ZNF793: variants seen among roughly 807,000 people sequenced by gnomAD.
The protein encoded by ZNF793 is zinc finger protein 793.
Under a neutral mutation model 12.4 loss-of-function variants are expected in ZNF793, and 5 were observed. The ratio of observed to expected loss-of-function variants is 0.40; its 90% CI spans 0.21 to 0.84. The LOEUF (loss-of-function observed/expected upper bound fraction) is 0.84. ZNF793 is among the 40% of genes least tolerant of loss of function. The pLI is 0.35. For synonymous variants in ZNF793, 162 were observed against 172.4 expected, an observed-to-expected ratio of 0.94 and a Z score of 0.47; for missense variants, 456 against 495.0, an observed-to-expected ratio of 0.92 and a Z score of 0.75.
In ZNF793 at chr19:37,533,554, A is replaced by G. The variant is rs1348660800; in HGVS notation, c.238+151A>G. The G allele has an allele frequency of 3.8e-5, 24 of 628,508 alleles. 1 individual carries two copies. The South Asian group carries it at 4.4e-4, about 12-fold the overall frequency. 38.9% of individuals were successfully genotyped at this position (628,508 alleles called of 1,614,324 possible). On this transcript the variant is annotated intron_variant, in intron 7 of 7. Coordinates refer to ENST00000627814, the MANE Select transcript of ZNF793 (RefSeq NM_001013659.3). ...CAACCTCCATGCAACCCCACCGCCCATATCTGAGTGTTTTTCTCGGCTCTA... is the reference window on the plus strand; with the variant it reads ...CAACCTCCATGCAACCCCACCGCCCGTATCTGAGTGTTTTTCTCGGCTCTA...
intron 3 of ZNF793, among the ~76,000 whole-genome samples, chr19:37,521,651 C>T (rs1171202129): frequency 6.6e-6 from 1 of 151,558 alleles, no homozygotes; most frequent in Non-Finnish European, 1.5e-5. Flanking sequence ...CTATGTTGGT[C>T]AGGCTTGTCT....
At chr19:37,536,008 C>T (rs1218164092) in intron 7 of ZNF793, 1 of 154,474 alleles carries the variant, frequency 6.5e-6, no homozygotes, top group African/African-American at 2.4e-5. Context: ...ACCACTAATA[C>T]CACTGTGTTT....
rs548533465 is a variant in ZNF793, at chr19:37,525,427, C to A, written c.15+1973C>A. Among the ~76,000 whole-genome samples, 8 of 148,116 alleles carry A rather than the reference C, an allele frequency of 5.4e-5. No homozygotes were observed. In the East Asian group the frequency reaches 1.6e-3, roughly 30 times the overall value. On this transcript the variant is annotated intron_variant, in intron 5 of 7. Transcript: ENST00000627814. ...TGCTGGGATTACAGGCGTGAGCCACCGTGCCTGGCCTTTTTTTTTTTTTTT... is the reference window on the plus strand; with the variant it reads ...TGCTGGGATTACAGGCGTGAGCCACAGTGCCTGGCCTTTTTTTTTTTTTTT...
intron 5 of ZNF793, among the ~76,000 whole-genome samples, chr19:37,528,834 A>G (rs902375721): frequency 1.3e-5 from 2 of 152,088 alleles, no homozygotes; most frequent in Non-Finnish European, 2.9e-5. Context: ...CTTAAATATT[A>G]GTGTCCCTTG....
At chr19:37,523,376 C>T (rs1487644460) in intron 4 of ZNF793, 34 bp from the exon 5 acceptor site, 14 of 1,551,384 alleles carry the variant, frequency 9.0e-6, no homozygotes, top group Non-Finnish European at 1.2e-5. Flanking sequence ...TCTGTTCTCT[C>T]TTTCTCCATC....
intron 3 of ZNF793, among the ~76,000 whole-genome samples, chr19:37,522,278 A>G (rs568127643): frequency 1.1e-4 from 17 of 151,804 alleles, no homozygotes; most frequent in Non-Finnish European, 1.3e-4. Context: ...GCTCACTGCA[A>G]CCTCTGCCTC....
intron 2 of ZNF793, among the ~76,000 whole-genome samples, chr19:37,519,124 G>A (rs1419724480): frequency 4.6e-5 from 7 of 151,898 alleles, no homozygotes; most frequent in East Asian, 3.9e-4. Context: ...AAAATTAGCC[G>A]GCGTGGTGGC....
intron 5 of ZNF793, among the ~76,000 whole-genome samples, chr19:37,529,206 CAT>C (rs2042438505): frequency 6.6e-6 from 1 of 152,108 alleles, no homozygotes; most frequent in Non-Finnish European, 1.5e-5. Flanking sequence ...TATTTATGGG[CAT>C]ATGTTTTGGT....
At chr19:37,508,651 A>G (rs1039479879) in intron 2 of ZNF793, among the ~76,000 whole-genome samples, 3 of 152,214 alleles carry the variant, frequency 2.0e-5, no homozygotes, top group African/African-American at 7.2e-5. Flanking sequence ...GATTGCAGTG[A>G]AACGAGATTG....
chr19:37,515,283 G>A lies in ZNF793; in HGVS notation c.-275-4901G>A, dbSNP rs190484342. ...GGTTTAAAATGACTGTAGGAAAATG[G>A]ATTAATGACTTTTTTCTTTTTTTCT... is the stretch of plus-strand genomic sequence containing the variant. On this transcript the variant is annotated intron_variant, in intron 2 of 7. Coordinates refer to ENST00000627814, the MANE Select transcript of ZNF793 (RefSeq NM_001013659.3). Among the ~76,000 whole-genome samples the A allele has an allele frequency of 7.3e-3, 1,115 of 152,096 alleles. 11 individuals carry two copies. Among genetic ancestry groups the A allele is most frequent in the Middle Eastern group, 0.02 (6 of 294 alleles).
chr19:37,541,441 G>A lies in ZNF793; in HGVS notation c.*3562G>A, dbSNP rs2042551242. On this transcript the variant is annotated 3_prime_UTR_variant, in exon 8 of 8. Coordinates refer to ENST00000627814, the MANE Select transcript of ZNF793 (RefSeq NM_001013659.3). ...TGCCTGTAATCCCAACACTTTGGGAGGCTGAGGCAGGAGGATCACCTGAGG... is the reference window on the plus strand; with the variant it reads ...TGCCTGTAATCCCAACACTTTGGGAAGCTGAGGCAGGAGGATCACCTGAGG... 1.3e-5 allele frequency: 2 copies of A among 152,364 alleles called. No homozygotes were observed. The highest frequency in any genetic ancestry group is 2.9e-5 in the Non-Finnish European group (2 of 68,134). The allele number at this position is 152,364 out of a possible 1,614,324, so 9.4% of individuals were successfully genotyped here. A position where few individuals can be genotyped will look rare whatever the true frequency, so the allele number is the denominator to read the frequency against.
chr19:37,534,212 A>G (rs1449197985), intron 7 of ZNF793: 1 of 152,134 alleles, frequency 6.6e-6, no homozygotes, highest in African/African-American at 2.4e-5. Flanking sequence ...GCTCAAACCC[A>G]GCATTTTCCT....
Position 37,523,446 on chromosome 19 carries a change from G to A in ZNF793, c.7G>A (p.Glu3Lys), listed in dbSNP as rs199878634. 29 of 1,613,588 alleles carry A rather than the reference G, an allele frequency of 1.8e-5. No individual in the cohort carries two copies. Among genetic ancestry groups the A allele is most frequent in the Middle Eastern group, 1.6e-4 (1 of 6,062 alleles). MI[E>K]YQIPVSFKDV... ...TTTTCAAGAACAGCAGAAAATGATC[G>A]AATACCAGGTAAGTATCACATTAAG... Residue 3 changes from glutamate to lysine, a missense_variant, in exon 5 of 8, where the codon GAA (glutamate) becomes AAA (lysine). Physicochemically the swap from Glu to Lys is moderately conservative, Grantham distance 56. Transcript: ENST00000627814.
intron 5 of ZNF793, among the ~76,000 whole-genome samples, chr19:37,529,615 C>T (rs746661793): frequency 6.6e-5 from 10 of 152,192 alleles, no homozygotes; most frequent in African/African-American, 1.4e-4. Context: ...GCCTCAGCCT[C>T]CTGCGTAGCT....
intron 2 of ZNF793, among the ~76,000 whole-genome samples, chr19:37,515,139 G>C (rs1454998305): frequency 6.6e-6 from 1 of 152,040 alleles, no homozygotes; most frequent in Non-Finnish European, 1.5e-5. Flanking sequence ...AATGAAATAA[G>C]AAACAGAAGT....
chr19:37,515,593 C>T (rs1453628051), intron 2 of ZNF793, among the ~76,000 whole-genome samples: 1 of 152,188 alleles, frequency 6.6e-6, no homozygotes. Flanking sequence ...CAGGCGTGAG[C>T]CACCGCGCCC....
At chr19:37,518,102 G>C (rs774900585) in intron 2 of ZNF793, among the ~76,000 whole-genome samples, 8 of 152,070 alleles carry the variant, frequency 5.3e-5, no homozygotes, top group African/African-American at 2.4e-5. Context: ...TTCCAAGTCG[G>C]AGTACACCAC....
Position 37,532,374 on chromosome 19 carries a change from G to T in ZNF793, c.34G>T (p.Asp12Tyr). ...TCAACAGATACCTGTGTCATTCAAA[G>T]ATGTGGTTGTGGGCTTCACCCAAGA... ...IEYQIPVSFKDVVVGFTQEEW... is the reference protein window; with the variant it reads ...IEYQIPVSFKYVVVGFTQEEW... The change falls in exon 6 of 8, where the codon GAT becomes TAT. Residue 12 changes from aspartate to tyrosine, a missense_variant. Transcript: ENST00000627814. The T allele has an allele frequency of 6.2e-7, 1 of 1,614,038 alleles. No individual in the cohort carries two copies. The highest frequency in any genetic ancestry group is 8.5e-7 in the Non-Finnish European group (1 of 1,179,966).
At chr19:37,524,437 C>T (rs1296449060) in intron 5 of ZNF793, among the ~76,000 whole-genome samples, 2 of 152,112 alleles carry the variant, frequency 1.3e-5, no homozygotes, top group Admixed American at 6.6e-5. Flanking sequence ...CTTGATATTA[C>T]AAGTAGTGAT....
Sources: allele counts gnomAD v4.1 joint callset (sites outside exome capture counted in the v4.1 genomes callset), GRCh38; gene constraint gnomAD v4.1.1; transcripts MANE v1.5; gene names NCBI Gene and HGNC (gene_info 2026-07-23, HGNC 2026-07-21).